BRWD1: variants seen among roughly 807,000 people sequenced by gnomAD.
The protein encoded by BRWD1 is bromodomain and WD repeat-containing protein 1.
Under a neutral mutation model 251.2 loss-of-function variants are expected in BRWD1, and 82 were observed. That is an observed-to-expected ratio of 0.33 (90% CI 0.27 to 0.39). The LOEUF (loss-of-function observed/expected upper bound fraction) is 0.39, where lower values mean the gene tolerates loss of function less well. BRWD1 is among the 10% of genes least tolerant of loss of function. BRWD1 has a pLI of 1.00. For missense variants in BRWD1, 2,233 were observed against 2,711.6 expected, an observed-to-expected ratio of 0.82 and a Z score of 3.92; for synonymous variants, 918 against 902.8, an observed-to-expected ratio of 1.02 and a Z score of -0.30.
chr21:39,289,905 G>T (rs1713279513), intron 8 of BRWD1, among the ~76,000 whole-genome samples: 2 of 151,660 alleles, frequency 1.3e-5, no homozygotes, highest in African/African-American at 4.8e-5. Flanking sequence ...GCCGCCTGTA[G>T]TCCCAGCTAC....
rs1268874040 is a variant in BRWD1, at chr21:39,304,433, AGAC to A, written c.199-5854_199-5852del. On this transcript the variant is annotated intron_variant, in intron 4 of 40. Transcript: ENST00000342449. ...CAAGATGAGCCTAGGCCATATAGTG[AGAC>A]AGTCTCTAGAAAAAAAAATTTTTTT... 6.5e-5 allele frequency among the ~76,000 whole-genome samples: 9 copies of A among 138,156 alleles called. No homozygotes were observed. In the East Asian group the frequency reaches 1.8e-3, roughly 27 times the overall value. 90.6% of individuals were successfully genotyped at this position (138,156 alleles called of 152,430 possible). A position where few individuals can be genotyped will look rare whatever the true frequency, so the allele number is the denominator to read the frequency against.
Position 39,196,080 on chromosome 21 carries a change from T to C in BRWD1, c.*179A>G. 7.3e-7 allele frequency: 1 copy of C among 1,367,474 alleles called. No individual in the cohort carries two copies. The highest frequency in any genetic ancestry group is 9.4e-7 in the Non-Finnish European group (1 of 1,065,376). The allele number at this position is 1,367,474 out of a possible 1,614,324, so 84.7% of individuals were successfully genotyped here. A position where few individuals can be genotyped will look rare whatever the true frequency, so the allele number is the denominator to read the frequency against. On this transcript the variant is annotated 3_prime_UTR_variant, in exon 41 of 41. Transcript: ENST00000342449. Reference sequence around the variant, plus strand: ...TTTTGGCACCTGTGCTGAATGCTGCTACAAAGACCAGCAAGTGCAAATAAA... The same window carrying C: ...TTTTGGCACCTGTGCTGAATGCTGCCACAAAGACCAGCAAGTGCAAATAAA...
rs961267831 is a variant in BRWD1 at position 39,191,198 on chromosome 21, A to G, written c.*5061T>C. On this transcript the variant is annotated 3_prime_UTR_variant, in exon 41 of 41. Coordinates refer to ENST00000342449, the MANE Select transcript of BRWD1 (RefSeq NM_033656.4). ...ACTGGAAAGAAACCAGGCCACAGAC[A>G]ATCCAATGGCAAACCCCTTTTCCAG... 1 of 985,208 alleles carries G rather than the reference A, an allele frequency of 1.0e-6. No homozygotes were observed. Among genetic ancestry groups the G allele is most frequent in the Non-Finnish European group, 1.2e-6 (1 of 829,904 alleles). The allele number at this position is 985,208 out of a possible 1,614,324, so 61.0% of individuals were successfully genotyped here.
chr21:39,303,519 CAA>C (rs34013314), intron 4 of BRWD1, among the ~76,000 whole-genome samples: 1,687 of 91,696 alleles, frequency 0.018, 35 homozygotes, highest in African/African-American at 0.067. Flanking sequence ...ACTCCATCTC[CAA>C]AAAAAAAAAA....
intron 8 of BRWD1, among the ~76,000 whole-genome samples, chr21:39,286,013 G>C (rs562361973): frequency 2.2e-4 from 8 of 36,028 alleles, no homozygotes; most frequent in Admixed American, 3.5e-4. Context: ...CTCACCATAT[G>C]AACTTTTTTT....
At chr21:39,262,443 G>A (rs553716255) in intron 17 of BRWD1, among the ~76,000 whole-genome samples, 1 of 152,288 alleles carries the variant, frequency 6.6e-6, no homozygotes, top group Non-Finnish European at 1.5e-5. Context: ...GTGGCCAAGC[G>A]CGGAGCCTCA....
chr21:39,298,126 A>G (rs2036007302), intron 5 of BRWD1: 1 of 1,030,614 alleles, frequency 9.7e-7, no homozygotes, highest in Non-Finnish European at 1.2e-6. Flanking sequence ...CAATGAAGTT[A>G]TGAGTGAGCT....
chr21:39,237,768 A>G (rs1035009934), intron 22 of BRWD1, among the ~76,000 whole-genome samples: 7 of 152,198 alleles, frequency 4.6e-5, no homozygotes, highest in African/African-American at 1.7e-4. Flanking sequence ...ACGTAACAGT[A>G]CTGAACTGCA....
chr21:39,229,659 G>C (rs2033530260), intron 25 of BRWD1, among the ~76,000 whole-genome samples: 1 of 152,092 alleles, frequency 6.6e-6, no homozygotes, highest in Admixed American at 6.5e-5. Context: ...CATTACAAAA[G>C]TGTAAGATTG....
At chr21:39,249,225 G>A (rs1332093372) in intron 20 of BRWD1, among the ~76,000 whole-genome samples, 2 of 152,164 alleles carry the variant, frequency 1.3e-5, no homozygotes, top group South Asian at 4.1e-4. Flanking sequence ...GAAAAAGGGT[G>A]AGGACCGGGA....
At position 39,193,808 on chromosome 21, in the gene BRWD1, T is replaced by C; in HGVS notation, c.*2451A>G. On this transcript the variant is annotated 3_prime_UTR_variant, in exon 41 of 41. Transcript: ENST00000342449. ...TAACGTAGAAAAAAAAGGCCAAACATGTTCTAGTGCTCAATGTAAACATTT... is the reference window on the plus strand; with the variant it reads ...TAACGTAGAAAAAAAAGGCCAAACACGTTCTAGTGCTCAATGTAAACATTT... 2.0e-6 allele frequency: 2 copies of C among 985,558 alleles called. No homozygotes were observed. The highest frequency in any genetic ancestry group is 4.7e-5 in the South Asian group (1 of 21,282). The allele number at this position is 985,558 out of a possible 1,614,324, so 61.1% of individuals were successfully genotyped here. A position where few individuals can be genotyped will look rare whatever the true frequency, so the allele number is the denominator to read the frequency against.
intron 20 of BRWD1, among the ~76,000 whole-genome samples, chr21:39,249,545 T>C (rs1369493884): frequency 6.6e-6 from 1 of 152,166 alleles, no homozygotes; most frequent in Non-Finnish European, 1.5e-5. Context: ...AGGCATGCCA[T>C]TCCCCAACCA....
intron 13 of BRWD1, 53 bp from the exon 14 acceptor site, chr21:39,270,486 TG>T (rs2035064269): frequency 1.4e-6 from 2 of 1,422,722 alleles, no homozygotes; most frequent in East Asian, 4.7e-5. Context: ...GGCTATACAA[TG>T]TATACAATCT....
At chr21:39,288,775 T>C (rs2035719916) in intron 8 of BRWD1, among the ~76,000 whole-genome samples, 1 of 152,170 alleles carries the variant, frequency 6.6e-6, no homozygotes, top group African/African-American at 2.4e-5. Flanking sequence ...TACTATTAAG[T>C]AGAAGTGATC....
At chr21:39,280,081 C>A (rs759056237) in intron 9 of BRWD1, 67 bp downstream of exon 9, 7 of 1,176,732 alleles carry the variant, frequency 5.9e-6, no homozygotes, top group Non-Finnish European at 7.2e-6. Flanking sequence ...AATAAAACTT[C>A]ATTTCATTAG....
chr21:39,253,096 C>A (rs1013485573), intron 19 of BRWD1, among the ~76,000 whole-genome samples: 3 of 152,036 alleles, frequency 2.0e-5, no homozygotes, highest in African/African-American at 7.2e-5. Flanking sequence ...TTGAGACCAG[C>A]CTGGCCAACA....
At position 39,191,269 on chromosome 21, in the gene BRWD1, A is replaced by C. The variant is rs568213771; in HGVS notation, c.*4990T>G. 2.2e-5 allele frequency: 22 copies of C among 985,348 alleles called. No individual in the cohort carries two copies. In the African/African-American group the frequency reaches 3.7e-4, roughly 16 times the overall value. The allele number at this position is 985,348 out of a possible 1,614,324, so 61.0% of individuals were successfully genotyped here. On this transcript the variant is annotated 3_prime_UTR_variant, in exon 41 of 41. Coordinates refer to ENST00000342449, the MANE Select transcript of BRWD1 (RefSeq NM_033656.4). ...AGTTCCCCTATCCAAGCTCATATGT[A>C]AAACTCACAGCGCTCGCACCCCTAT...
At position 39,298,535 on chromosome 21, in the gene BRWD1, G is replaced by A; in HGVS notation, c.246C>T (p.Cys82=). The change falls in exon 5 of 41, where the codon TGC becomes TGT. Residue 82 remains cysteine (C), a synonymous_variant. Transcript: ENST00000342449. ...TATCCAACATAGGACCGATGCGCTGGCAGATTTGCAAAAGATGATCAGGAG... is the reference window on the plus strand; with the variant it reads ...TATCCAACATAGGACCGATGCGCTGACAGATTTGCAAAAGATGATCAGGAG... ...HVAPDHLLQI[C]QRIGPMLDKE... 3 of 1,605,534 alleles carry A rather than the reference G, an allele frequency of 1.9e-6. No individual in the cohort carries two copies. Among genetic ancestry groups the A allele is most frequent in the South Asian group, 1.1e-5 (1 of 89,262 alleles).
chr21:39,293,850 A>G lies in BRWD1; in HGVS notation c.792T>C (p.Ala264=), dbSNP rs1310132699. The G allele has an allele frequency of 6.2e-7, 1 of 1,614,216 alleles. No homozygotes were observed. The highest frequency in any genetic ancestry group is 2.2e-5 in the East Asian group (1 of 44,882). ...TTGATCCTGTGTGTCCTTGGAGCAC[A>G]GCAACTGGGGCACAAGTTCTCAAGC... ...VWCLRTCAPV[A]VLQGHTGSIT... is the part of the protein sequence containing the mutation. The change falls in exon 8 of 41, where the codon GCT becomes GCC. Residue 264 remains alanine (A), a synonymous_variant. Transcript: ENST00000342449.
Sources: gnomAD v4.1 joint callset for allele counts (sites outside exome capture counted in the v4.1 genomes callset) on GRCh38, gnomAD v4.1.1 for gene constraint, MANE v1.5 for transcripts, NCBI Gene and HGNC (gene_info 2026-07-23, HGNC 2026-07-21) for gene names.